Variants in TMEM145 observed in about 807,000 individuals in gnomAD.
TMEM145 encodes transmembrane protein 145.
A neutral mutation model predicts 68.5 loss-of-function variants in TMEM145; 46 were observed. That is an observed-to-expected ratio of 0.67 (90% CI 0.53 to 0.86). TMEM145 has a LOEUF of 0.86. TMEM145 is among the 40% of genes least tolerant of loss of function. The pLI is 0.00. For missense variants in TMEM145, 570 were observed against 645.8 expected, an observed-to-expected ratio of 0.88 and a Z score of 1.27; for synonymous variants, 255 against 280.2, an observed-to-expected ratio of 0.91 and a Z score of 0.90.
chr19:42,317,283 GAC>G (rs770047182), intron 11 of TMEM145, among the ~76,000 whole-genome samples: 7 of 152,148 alleles, frequency 4.6e-5, no homozygotes, highest in Non-Finnish European at 1.0e-4. Flanking sequence ...CTTGGGTGAC[GAC>G]CCCTGTCTCT....
rs1331087203 is a variant in TMEM145 at position 42,313,414 on chromosome 19, TGCC to T, written c.44_46del (p.Pro15del). The T allele has an allele frequency of 1.5e-6, 2 of 1,364,508 alleles. No individual in the cohort carries two copies. The highest frequency in any genetic ancestry group is 1.8e-5 in the South Asian group (1 of 55,608). The allele number at this position is 1,364,508 out of a possible 1,614,324, so 84.5% of individuals were successfully genotyped here. On this transcript the variant is annotated inframe_deletion, in exon 1 of 15. Transcript: ENST00000301204. This position sits in a 1 kb window ranked among gnomAD's most constrained non-coding sequence, Gnocchi z 5.1. Reference sequence around the variant, plus strand: ...CGCGCGCCCGCGCTGCGCCGCCTGCTGCCGCCGCTGCTGCTCCTGCTGCTGTCA... The same window carrying T: ...CGCGCGCCCGCGCTGCGCCGCCTGCTGCCGCTGCTGCTCCTGCTGCTGTCA...
intron 13 of TMEM145, chr19:42,321,407 T>TTTTTA (rs1277321284): frequency 6.7e-6 from 2 of 297,930 alleles, no homozygotes; most frequent in African/African-American, 5.0e-5. Flanking sequence ...TTTTTTTTTT[T>TTTTTA]GAGACGGAGT....
intron 13 of TMEM145, chr19:42,321,902 C>T (rs1213653332): frequency 6.6e-6 from 1 of 152,236 alleles, no homozygotes; most frequent in East Asian, 1.9e-4. Context: ...GACATTGTTC[C>T]CACTACACAG....
Position 42,314,306 on chromosome 19 carries a change from C to A in TMEM145, c.155C>A (p.Ser52Ter), listed in dbSNP as rs778256602. The change falls in exon 2 of 15, where the codon TCG becomes TAG. Residue 52 changes from serine to a stop codon, truncating the protein, a stop_gained. Transcript: ENST00000301204. LOFTEE classifies it high-confidence loss of function. The part of the protein sequence containing the change: ...WVFLTRFCFL[S>*]DYGRLDFRFR... Reference sequence around the variant, plus strand: ...TTCCTGACAAGATTTTGTTTCCTCTCGGATTACGGCCGACTGGACTTCCGT... The same window carrying A: ...TTCCTGACAAGATTTTGTTTCCTCTAGGATTACGGCCGACTGGACTTCCGT... The A allele has an allele frequency of 6.2e-7, 1 of 1,613,994 alleles. No individual in the cohort carries two copies. The highest frequency in any genetic ancestry group is 8.5e-7 in the Non-Finnish European group (1 of 1,179,992).
Position 42,314,259 on chromosome 19 carries a change from GC to G in TMEM145, c.121-9del, listed in dbSNP as rs1405038557. 16 of 1,613,830 alleles carry G rather than the reference GC, an allele frequency of 9.9e-6. No individual in the cohort carries two copies. Among genetic ancestry groups the G allele is most frequent in the Non-Finnish European group, 1.4e-5 (16 of 1,179,952 alleles). On this transcript the variant is annotated splice_polypyrimidine_tract_variant and intron_variant, in intron 1 of 14. Coordinates refer to ENST00000301204, the MANE Select transcript of TMEM145 (RefSeq NM_173633.3). ...AGGACTCAGCGGAGGGTCAGACTGG[GC>G]CCCTTTTTCAGGACTGGGTGTTCCT...
At position 42,313,993 on chromosome 19, in the gene TMEM145, C is replaced by T. The variant is rs779367066; in HGVS notation, c.121-279C>T. ...AGGTGGCCAGGATGAGCATCTGGCC[C>T]CTAAGGTCTTTCTCCCCAGAAAGAT... On this transcript the variant is annotated intron_variant, in intron 1 of 14. Transcript: ENST00000301204. This position sits in a 1 kb window ranked among gnomAD's most constrained non-coding sequence, Gnocchi z 5.1. 2.0e-5 allele frequency among the ~76,000 whole-genome samples: 3 copies of T among 151,748 alleles called. No homozygotes were observed. The highest frequency in any genetic ancestry group is 4.4e-5 in the Non-Finnish European group (3 of 67,958).
chr19:42,314,855 C>G lies in TMEM145; in HGVS notation c.420+4C>G. The G allele has an allele frequency of 6.2e-7, 1 of 1,614,194 alleles. No individual in the cohort carries two copies. Among genetic ancestry groups the G allele is most frequent in the South Asian group, 1.1e-5 (1 of 91,088 alleles). On this transcript the variant is annotated splice_donor_region_variant and intron_variant, in intron 5 of 14. Coordinates refer to ENST00000301204, the MANE Select transcript of TMEM145 (RefSeq NM_173633.3). ...CAGTGGCCGCAGCTTCCGCTCAGTG[C>G]GTGAACGGTGGTGGTATATTGCGCT...
chr19:42,314,642 G>T lies in TMEM145; in HGVS notation c.303G>T (p.Arg101=). 1.2e-6 allele frequency: 2 copies of T among 1,614,208 alleles called. No individual in the cohort carries two copies. Among genetic ancestry groups the T allele is most frequent in the South Asian group, 2.2e-5 (2 of 91,086 alleles). The change falls in exon 4 of 15, where the codon CGG becomes CGT. Residue 101 remains arginine, a synonymous_variant. Coordinates refer to ENST00000301204, the MANE Select transcript of TMEM145 (RefSeq NM_173633.3). ...GCCTGGCCAAGGAGTCAGTGATCCGGCCGGAGAACAACCAGGTCATCAACC... is the reference window on the plus strand; with the variant it reads ...GCCTGGCCAAGGAGTCAGTGATCCGTCCGGAGAACAACCAGGTCATCAACC... ...KDCLAKESVI[R]PENNQVINLT...
At chr19:42,317,147 A>C (rs1175235047) in intron 11 of TMEM145, among the ~76,000 whole-genome samples, 184 bp downstream of exon 11, 1 of 152,122 alleles carries the variant, frequency 6.6e-6, no homozygotes, top group African/African-American at 2.4e-5. Context: ...ATCCCGCAGC[A>C]GCTTTCTTTC....
chr19:42,324,660 G>A (rs1314754236), intron 14 of TMEM145, 77 bp from the exon 15 acceptor site: 1 of 1,295,222 alleles, frequency 7.7e-7, no homozygotes, highest in South Asian at 1.9e-5. Context: ...GCCCAGGTTG[G>A]GTACGCTGCG....
chr19:42,319,203 G>T (rs2038888671), intron 12 of TMEM145, among the ~76,000 whole-genome samples: 1 of 152,176 alleles, frequency 6.6e-6, no homozygotes, highest in East Asian at 1.9e-4. Context: ...AGACTGTCCG[G>T]GTTCAGATCT....
Position 42,323,760 on chromosome 19 carries a change from C to A in TMEM145, c.1372C>A (p.Leu458Ile). Residue 458 changes from leucine to isoleucine, a missense_variant, in exon 14 of 15, where the codon CTC becomes ATC. Transcript: ENST00000301204. ...ISDSVPNFTE[L>I]FSIPPPATSP... ...CGACTCGGTGCCCAACTTCACGGAG[C>A]TCTTCTCCATCCCCCCGCCCGCCAC... 1 of 1,614,116 alleles carries A rather than the reference C, an allele frequency of 6.2e-7. No homozygotes were observed. The highest frequency in any genetic ancestry group is 8.5e-7 in the Non-Finnish European group (1 of 1,179,978).
chr19:42,324,231 G>GC, intron 14 of TMEM145: 1 of 980,620 alleles, frequency 1.0e-6, no homozygotes, highest in Non-Finnish European at 1.2e-6. Flanking sequence ...GGCCGCATCT[G>GC]CCCCCCGAGG....
chr19:42,314,679 T>G lies in TMEM145; in HGVS notation c.340T>G (p.Tyr114Asp). ...NNQVINLTTQ[Y>D]AWSGCQVVSE... ...CCAGGTCATCAACCTCACCACCCAG[T>G]ATGCCTGGTCCGGCTGTCAGGTGCA... The change falls in exon 4 of 15, where the codon TAT becomes GAT. Residue 114 changes from tyrosine (Y) to aspartate (D), a missense_variant. Transcript: ENST00000301204. The G allele has an allele frequency of 6.2e-7, 1 of 1,614,154 alleles. No individual in the cohort carries two copies. The highest frequency in any genetic ancestry group is 2.2e-5 in the East Asian group (1 of 44,872).
rs750554912 is a variant in TMEM145, at chr19:42,314,853, T to C, written c.420+2T>C. 4 of 1,614,202 alleles carry C rather than the reference T, an allele frequency of 2.5e-6. No individual in the cohort carries two copies. The highest frequency in any genetic ancestry group is 1.7e-5 in the Admixed American group (1 of 60,028). On this transcript the variant is annotated splice_donor_variant, in intron 5 of 14. Transcript: ENST00000301204. LOFTEE classifies it high-confidence loss of function. ...TCCAGTGGCCGCAGCTTCCGCTCAG[T>C]GCGTGAACGGTGGTGGTATATTGCG...
rs765232089 is a variant in TMEM145 at position 42,323,808 on chromosome 19, G to T, written c.1401+19G>T. ...CACCTCCGTAAGCCCCGCGGCCCCA[G>T]CGCCCGAGGAGCTGCTGGCGCCGCC... is the stretch of plus-strand genomic sequence containing the variant. On this transcript the variant is annotated intron_variant, in intron 14 of 14. Transcript: ENST00000301204. The T allele has an allele frequency of 6.2e-7, 1 of 1,610,458 alleles. No individual in the cohort carries two copies. Among genetic ancestry groups the T allele is most frequent in the Non-Finnish European group, 8.5e-7 (1 of 1,177,758 alleles).
intron 13 of TMEM145, 34 bp from the exon 14 acceptor site, chr19:42,323,549 T>A: frequency 6.2e-7 from 1 of 1,606,766 alleles, no homozygotes; most frequent in Non-Finnish European, 8.5e-7. Flanking sequence ...GGCCTGACAG[T>A]GCCTCTCACA....
chr19:42,323,547 A>G (rs746648160), intron 13 of TMEM145, 36 bp from the exon 14 acceptor site: 1 of 1,605,962 alleles, frequency 6.2e-7, no homozygotes, highest in South Asian at 1.1e-5. Flanking sequence ...CCGGCCTGAC[A>G]GTGCCTCTCA....
At chr19:42,323,852 G>A (rs1177929462) in intron 14 of TMEM145, 63 bp downstream of exon 14, 6 of 1,470,872 alleles carry the variant, frequency 4.1e-6, no homozygotes, top group Non-Finnish European at 5.6e-6. Context: ...ACCTGACCCC[G>A]CTCCCGGCCC....
Sources: allele counts gnomAD v4.1 joint callset (sites outside exome capture counted in the v4.1 genomes callset), GRCh38; gene constraint gnomAD v4.1.1; non-coding constraint Gnocchi (gnomAD v3.1); transcripts MANE v1.5; gene names NCBI Gene and HGNC (gene_info 2026-07-23, HGNC 2026-07-21).